EIF2AK2: variants seen among roughly 807,000 people sequenced by gnomAD.
EIF2AK2 encodes eukaryotic translation initiation factor 2 alpha kinase 2.
EIF2AK2 carries 40 observed loss-of-function variants against 70.5 expected under a neutral mutation model. The ratio of observed to expected loss-of-function variants is 0.57; its 90% CI spans 0.44 to 0.74. EIF2AK2 has a LOEUF of 0.74. EIF2AK2 is among the 30% of genes least tolerant of loss of function. The pLI is 0.00. For missense variants in EIF2AK2, 555 were observed against 644.3 expected (o/e 0.86, Z 1.50); for synonymous variants, 198 against 220.9 (o/e 0.90, Z 0.92).
intron 14 of EIF2AK2, among the ~76,000 whole-genome samples, chr2:37,111,374 A>G (rs1182412331): frequency 1.3e-5 from 2 of 151,914 alleles, no homozygotes; most frequent in African/African-American, 4.8e-5. Context: ...ACTAATAACA[A>G]ATTAGAGATA....
At chr2:37,128,317 G>T (rs999088150) in intron 10 of EIF2AK2, among the ~76,000 whole-genome samples, 1 of 152,122 alleles carries the variant, frequency 6.6e-6, no homozygotes, top group African/African-American at 2.4e-5. Context: ...AGTGAAATCT[G>T]ATATGGAGCT....
At chr2:37,154,211 G>A (rs1655566137) in intron 1 of EIF2AK2, among the ~76,000 whole-genome samples, 1 of 151,982 alleles carries the variant, frequency 6.6e-6, no homozygotes, top group African/African-American at 2.4e-5. Flanking sequence ...TGTAATCCCA[G>A]CTACTCGGGA....
intron 11 of EIF2AK2, 69 bp from the exon 12 acceptor site, chr2:37,122,733 A>G (rs1674599873): frequency 7.6e-6 from 12 of 1,576,934 alleles, no homozygotes; most frequent in Non-Finnish European, 1.0e-5. Flanking sequence ...AAAACACCTC[A>G]TGTAATAGAC....
rs1417974006 is a variant in EIF2AK2 at position 37,138,681 on chromosome 2, A to T, written c.517-96T>A. 3 of 1,003,966 alleles carry T rather than the reference A, an allele frequency of 3.0e-6. No homozygotes were observed. In the East Asian group the frequency reaches 7.8e-5, roughly 26 times the overall value. The allele number at this position is 1,003,966 out of a possible 1,614,324, so 62.2% of individuals were successfully genotyped here. A position where few individuals can be genotyped will look rare whatever the true frequency, so the allele number is the denominator to read the frequency against. On this transcript the variant is annotated intron_variant, in intron 6 of 16. Transcript: ENST00000233057. The stretch of plus-strand genomic sequence containing the variant: ...TGTACTATCACATTTATTTCAACAC[A>T]TTTACCAAATCCACAACCATAAACA...
chr2:37,137,169 T>G (rs1460565842), intron 8 of EIF2AK2, 152 bp from the exon 9 acceptor site: 3 of 561,466 alleles, frequency 5.3e-6, no homozygotes, highest in Non-Finnish European at 9.3e-6. Context: ...TATCAACACT[T>G]AGTATTGTAA....
chr2:37,140,497 G>A (rs1212952705), intron 5 of EIF2AK2, among the ~76,000 whole-genome samples: 1 of 152,028 alleles, frequency 6.6e-6, no homozygotes, highest in Non-Finnish European at 1.5e-5. Context: ...GCCATCGAGA[G>A]AAACACATCC....
In EIF2AK2 at chr2:37,120,079, T is replaced by C. The variant is rs750498734; in HGVS notation, c.1128A>G (p.Gln376=). The stretch of plus-strand genomic sequence containing the variant: ...TCTCGCCTCTTCTTTTTTCAATCCA[T>C]TGTTCCAAGGTCCCTTTATCACAGA... The part of the protein sequence containing the change: ...MEFCDKGTLE[Q]WIEKRRGEKL... Residue 376 remains glutamine, a synonymous_variant, in exon 13 of 17, where the codon CAA becomes CAG. Coordinates refer to ENST00000233057, the MANE Select transcript of EIF2AK2 (RefSeq NM_001135651.3). 1.3e-6 allele frequency: 2 copies of C among 1,531,974 alleles called. No homozygotes were observed. Among genetic ancestry groups the C allele is most frequent in the South Asian group, 2.6e-5 (2 of 77,816 alleles). The allele number at this position is 1,531,974 out of a possible 1,614,324, so 94.9% of individuals were successfully genotyped here. A position where few individuals can be genotyped will look rare whatever the true frequency, so the allele number is the denominator to read the frequency against.
At chr2:37,127,363 C>T (rs1162498993) in intron 10 of EIF2AK2, among the ~76,000 whole-genome samples, 4 of 152,126 alleles carry the variant, frequency 2.6e-5, no homozygotes, top group Non-Finnish European at 5.9e-5. Context: ...TGAGTCTGGC[C>T]ATGTCTCTCT....
intron 10 of EIF2AK2, among the ~76,000 whole-genome samples, chr2:37,130,894 T>C (rs1224043103): frequency 6.6e-6 from 1 of 152,244 alleles, no homozygotes; most frequent in Non-Finnish European, 1.5e-5. Flanking sequence ...TTTGGCTGAA[T>C]GTGGGTACCA....
chr2:37,145,150 T>C (rs1281382880), intron 4 of EIF2AK2, among the ~76,000 whole-genome samples: 1 of 148,820 alleles, frequency 6.7e-6, no homozygotes, highest in Non-Finnish European at 1.5e-5. Context: ...GGTTTTTTTT[T>C]TTTTTTTTTT....
rs527324522 is a variant in EIF2AK2 at position 37,128,435 on chromosome 2, A to G, written c.786-2024T>C. Among the ~76,000 whole-genome samples, 3 of 152,326 alleles carry G rather than the reference A, an allele frequency of 2.0e-5. No individual in the cohort carries two copies. The East Asian group carries it at 5.8e-4, about 29-fold the overall frequency. ...TGTTTTCAATATTAATAACTTGTAT[A>G]GATGTCAGAGAAATCCACATAAGCA... On this transcript the variant is annotated intron_variant, in intron 10 of 16. Transcript: ENST00000233057.
intron 1 of EIF2AK2, among the ~76,000 whole-genome samples, chr2:37,149,603 C>T (rs1330574115): frequency 6.6e-6 from 1 of 152,032 alleles, no homozygotes; most frequent in East Asian, 1.9e-4. Context: ...AGTTTAAATA[C>T]CAGTTTCCTT....
At position 37,138,541 on chromosome 2, in the gene EIF2AK2, C is replaced by T; in HGVS notation, c.561G>A (p.Glu187=). 1 of 1,614,088 alleles carries T rather than the reference C, an allele frequency of 6.2e-7. No individual in the cohort carries two copies. Among genetic ancestry groups the T allele is most frequent in the Non-Finnish European group, 8.5e-7 (1 of 1,179,998 alleles). Reference sequence around the variant, plus strand: ...TGGTCACTAAAGAGTTGCTTTGGGACTCACACGTAGTAGCAAAAGAACCAG... The same window carrying T: ...TGGTCACTAAAGAGTTGCTTTGGGATTCACACGTAGTAGCAAAAGAACCAG... ...LSSGSFATTC[E]SQSNSLVTST... The change falls in exon 7 of 17, where the codon GAG becomes GAA. Residue 187 remains glutamate, a synonymous_variant. Coordinates refer to ENST00000233057, the MANE Select transcript of EIF2AK2 (RefSeq NM_001135651.3).
intron 12 of EIF2AK2, among the ~76,000 whole-genome samples, chr2:37,121,617 A>ATTTTTTT (rs34031780): frequency 1.6e-5 from 2 of 122,168 alleles, no homozygotes; most frequent in African/African-American, 6.1e-5. Flanking sequence ...TGGAGGCTTG[A>ATTTTTTT]TTTTTTTTTT....
At chr2:37,114,338 TA>T (rs1276849416) in intron 14 of EIF2AK2, among the ~76,000 whole-genome samples, 1 of 151,706 alleles carries the variant, frequency 6.6e-6, no homozygotes, top group East Asian at 1.9e-4. Context: ...ATATTAAATT[TA>T]AAAAAATAGT....
At chr2:37,134,926 C>G (rs1675074251) in intron 10 of EIF2AK2, among the ~76,000 whole-genome samples, 1 of 152,236 alleles carries the variant, frequency 6.6e-6, no homozygotes, top group Non-Finnish European at 1.5e-5. Context: ...CCACGTCATT[C>G]CTTTAATGGC....
Position 37,121,292 on chromosome 2 carries a change from G to GA in EIF2AK2, c.1068-1154dup, listed in dbSNP as rs11460614. 3.9e-3 allele frequency among the ~76,000 whole-genome samples: 473 copies of GA among 122,334 alleles called. 4 individuals carry two copies. Among genetic ancestry groups the GA allele is most frequent in the African/African-American group, 0.013 (433 of 33,560 alleles). The allele number at this position is 122,334 out of a possible 152,430, so 80.3% of individuals were successfully genotyped here. ...AAAAAAAAAAAAAAAAAAACGAGAA[G>GA]AAAAAAAAAATGAGCCACCCATTCT... On this transcript the variant is annotated intron_variant, in intron 12 of 16. Coordinates refer to ENST00000233057, the MANE Select transcript of EIF2AK2 (RefSeq NM_001135651.3).
chr2:37,122,513 T>C lies in EIF2AK2; in HGVS notation c.1060A>G (p.Ser354Gly), dbSNP rs1438567063. The C allele has an allele frequency of 5.0e-6, 8 of 1,611,468 alleles. No individual in the cohort carries two copies. The highest frequency in any genetic ancestry group is 6.8e-6 in the Non-Finnish European group (8 of 1,179,514). ...GAATTTATTTTTAGTTACCTTGAACTATTTTTGCTGTTCTCAGGATCATAA... is the reference window on the plus strand; with the variant it reads ...GAATTTATTTTTAGTTACCTTGAACCATTTTTGCTGTTCTCAGGATCATAA... ...SDYDPENSKN[S>G]SRSKTKCLFI... Residue 354 changes from serine to glycine, a missense_variant, in exon 12 of 17, where the codon AGT (serine) becomes GGT (glycine). This residue lies in a region of EIF2AK2 where 299 missense variants were observed against 375.4 expected (regional missense o/e 0.80). Transcript: ENST00000233057.
chr2:37,107,297 C>T lies in EIF2AK2; in HGVS notation c.1632G>A (p.Glu544=), dbSNP rs1490455089. The change falls in exon 17 of 17, where the codon GAG becomes GAA. Residue 544 remains glutamate, a synonymous_variant. Transcript: ENST00000233057. ...RTLTVWKKSP[E]KNERHTC is the part of the protein sequence containing the mutation. The stretch of plus-strand genomic sequence containing the variant: ...TCTAACATGTGTGTCGTTCATTTTT[C>T]TCTGGGCTTTTCTTCCACACAGTCA... 1 of 1,613,134 alleles carries T rather than the reference C, an allele frequency of 6.2e-7. No individual in the cohort carries two copies. The highest frequency in any genetic ancestry group is 1.7e-5 in the Admixed American group (1 of 59,886).
Sources: gnomAD v4.1 joint callset for allele counts (sites outside exome capture counted in the v4.1 genomes callset) on GRCh38, gnomAD v4.1.1 for gene constraint, gnomAD v4.1.1 regional missense constraint, MANE v1.5 for transcripts, NCBI Gene and HGNC (gene_info 2026-07-23, HGNC 2026-07-21) for gene names.